The following BAALC variants were observed in gnomAD, a reference collection of about 807,000 sequenced individuals.
BAALC encodes the protein brain and acute leukemia cytoplasmic protein.
BAALC carries 9 observed loss-of-function variants against 15.5 expected under a neutral mutation model. That is an observed-to-expected ratio of 0.58 (90% CI 0.35 to 1.02). The LOEUF (loss-of-function observed/expected upper bound fraction) is 1.02, where lower values mean the gene tolerates loss of function less well. BAALC is among the 50% of genes least tolerant of loss of function. The pLI, the probability that BAALC is intolerant of heterozygous loss-of-function variation, is 0.02. For synonymous variants in BAALC, 80 were observed against 74.6 expected, an observed-to-expected ratio of 1.07 and a Z score of -0.37; for missense variants, 201 against 192.4, an observed-to-expected ratio of 1.04 and a Z score of -0.27.
chr8:103,194,321 A>C (rs888798300), intron 1 of BAALC, among the ~76,000 whole-genome samples: 1 of 152,234 alleles, frequency 6.6e-6, no homozygotes, highest in African/African-American at 2.4e-5. Flanking sequence ...TTTGCCTTTA[A>C]GGATTAGGGA....
intron 1 of BAALC, among the ~76,000 whole-genome samples, chr8:103,162,431 G>A (rs555587470): frequency 6.6e-6 from 1 of 152,316 alleles, no homozygotes; most frequent in African/African-American, 2.4e-5. Flanking sequence ...GAACAGCTGG[G>A]ACTGGTTGGG....
chr8:103,187,777 G>A (rs16870240), intron 1 of BAALC, among the ~76,000 whole-genome samples: 10,164 of 152,030 alleles, frequency 0.067, 403 homozygotes, highest in South Asian at 0.1. Context: ...AGTTATTTTC[G>A]TGAGACCCCT....
chr8:103,162,628 T>A (rs760087990), intron 1 of BAALC, among the ~76,000 whole-genome samples: 1 of 152,172 alleles, frequency 6.6e-6, no homozygotes, highest in Non-Finnish European at 1.5e-5. Flanking sequence ...TCGGAAATTA[T>A]ACAGTTTATT....
intron 2 of BAALC, among the ~76,000 whole-genome samples, chr8:103,216,819 G>A (rs543247261): frequency 2.2e-4 from 33 of 152,206 alleles, no homozygotes; most frequent in Non-Finnish European, 4.0e-4. Flanking sequence ...ATGACATAGG[G>A]TGCAAAGCAC....
At chr8:103,173,848 G>T (rs1811550295) in intron 1 of BAALC, among the ~76,000 whole-genome samples, 2 of 152,188 alleles carry the variant, frequency 1.3e-5, no homozygotes, top group South Asian at 4.2e-4. Context: ...TAGCAACACT[G>T]GTGCCAGAAG....
At chr8:103,165,169 A>G (rs985795764) in intron 1 of BAALC, among the ~76,000 whole-genome samples, 1 of 152,126 alleles carries the variant, frequency 6.6e-6, no homozygotes, top group African/African-American at 2.4e-5. Flanking sequence ...GCATGGTTTC[A>G]TGGCTGGGTG....
At chr8:103,227,574 C>T (rs1033779380) in intron 2 of BAALC, among the ~76,000 whole-genome samples, 12 of 152,196 alleles carry the variant, frequency 7.9e-5, no homozygotes, top group African/African-American at 2.9e-4. Context: ...ATATTTTACT[C>T]ATTAACTATT....
intron 1 of BAALC, among the ~76,000 whole-genome samples, chr8:103,173,380 T>C (rs1398190735): frequency 3.3e-5 from 5 of 152,226 alleles, no homozygotes; most frequent in Admixed American, 3.3e-4. Flanking sequence ...CATTTATATC[T>C]TCCTTTTTTC....
At chr8:103,191,859 G>C (rs1022693501) in intron 1 of BAALC, among the ~76,000 whole-genome samples, 2 of 152,124 alleles carry the variant, frequency 1.3e-5, no homozygotes, top group Admixed American at 6.5e-5. Flanking sequence ...TGTTTCCCAA[G>C]CTACCCAGGG....
At chr8:103,176,994 G>T (rs569782280) in intron 1 of BAALC, among the ~76,000 whole-genome samples, 1 of 152,126 alleles carries the variant, frequency 6.6e-6, no homozygotes, top group Non-Finnish European at 1.5e-5. Flanking sequence ...CTAGCCTGTT[G>T]TGGGAAGAAA....
At chr8:103,201,744 A>C (rs1374821315) in intron 1 of BAALC, among the ~76,000 whole-genome samples, 2 of 152,212 alleles carry the variant, frequency 1.3e-5, no homozygotes, top group East Asian at 3.8e-4. Context: ...ACTGCAACCT[A>C]CTGCTAAACT....
intron 2 of BAALC, among the ~76,000 whole-genome samples, chr8:103,224,048 C>A (rs560107637): frequency 6.6e-6 from 1 of 152,282 alleles, no homozygotes; most frequent in African/African-American, 2.4e-5. Flanking sequence ...GAAACAGAAT[C>A]ACTGCCTTCT....
At chr8:103,178,655 A>C (rs1189848093) in intron 1 of BAALC, among the ~76,000 whole-genome samples, 1 of 152,100 alleles carries the variant, frequency 6.6e-6, no homozygotes, top group Non-Finnish European at 1.5e-5. Flanking sequence ...TCAGAAGTTC[A>C]AGACCAGCCT....
intron 1 of BAALC, among the ~76,000 whole-genome samples, chr8:103,208,909 A>G (rs10110129): frequency 0.15 from 23,402 of 152,134 alleles, 1,938 homozygotes; most frequent in Non-Finnish European, 0.17. Flanking sequence ...GGCCATAGGC[A>G]TAGGGAGGAT....
At chr8:103,214,153 C>T (rs1035112100) in intron 2 of BAALC, among the ~76,000 whole-genome samples, 1 of 152,200 alleles carries the variant, frequency 6.6e-6, no homozygotes, top group Non-Finnish European at 1.5e-5. Context: ...GCTGTGTTTG[C>T]ATGATCTTCA....
At chr8:103,159,903 G>A (rs1481509427) in intron 1 of BAALC, among the ~76,000 whole-genome samples, 1 of 152,080 alleles carries the variant, frequency 6.6e-6, no homozygotes, top group Non-Finnish European at 1.5e-5. Flanking sequence ...GTTGCTACTG[G>A]GTTGGCTGTT....
intron 1 of BAALC, 48 bp downstream of exon 1, chr8:103,141,105 C>A (rs1037999514): frequency 2.2e-6 from 3 of 1,388,476 alleles, no homozygotes. Context: ...CTACCCCGGG[C>A]GCCTTGGCCC....
chr8:103,212,223 T>C (rs1023869157), intron 1 of BAALC, among the ~76,000 whole-genome samples: 6 of 152,102 alleles, frequency 3.9e-5, no homozygotes, highest in East Asian at 1.9e-4. Context: ...GGTGGGAGGA[T>C]TGCTCAAGGC....
chr8:103,196,730 C>T (rs911061073), intron 1 of BAALC, among the ~76,000 whole-genome samples: 7 of 152,104 alleles, frequency 4.6e-5, no homozygotes, highest in African/African-American at 1.7e-4. Flanking sequence ...GGTGAACCTC[C>T]CTGGTATTAT....
Sources: allele counts gnomAD v4.1 joint callset (sites outside exome capture counted in the v4.1 genomes callset), GRCh38; gene constraint gnomAD v4.1.1; transcripts MANE v1.5; gene names NCBI Gene and HGNC (gene_info 2026-07-23, HGNC 2026-07-21).